ZNF438: variants seen among roughly 807,000 people sequenced by gnomAD.
The protein encoded by ZNF438 is zinc finger protein 438.
A neutral mutation model predicts 38.0 loss-of-function variants in ZNF438; 25 were observed. That is an observed-to-expected ratio of 0.66 (90% CI 0.48 to 0.92). ZNF438 has a LOEUF of 0.92. ZNF438 is among the 40% of genes least tolerant of loss of function. The pLI is 0.00. For synonymous variants in ZNF438, 372 were observed against 364.1 expected, an observed-to-expected ratio of 1.02 and a Z score of -0.25; for missense variants, 1,007 against 999.6, an observed-to-expected ratio of 1.01 and a Z score of -0.10.
intron 3 of ZNF438, among the ~76,000 whole-genome samples, chr10:30,890,839 C>T (rs1462633577): frequency 6.6e-6 from 1 of 152,182 alleles, no homozygotes; most frequent in Admixed American, 6.5e-5. Context: ...AATTTCACTT[C>T]TTGATTGTTC....
intron 2 of ZNF438, among the ~76,000 whole-genome samples, chr10:30,934,982 T>A (rs759772948): frequency 2.6e-5 from 4 of 152,222 alleles, no homozygotes; most frequent in Admixed American, 6.5e-5. Flanking sequence ...GGAAGTAAAA[T>A]ACCATAAAAT....
chr10:30,976,791 A>G (rs189301190), intron 1 of ZNF438, among the ~76,000 whole-genome samples: 4 of 152,150 alleles, frequency 2.6e-5, no homozygotes, highest in East Asian at 1.9e-4. Flanking sequence ...ATAATCCTCA[A>G]TTGAGATGCT....
intron 1 of ZNF438, among the ~76,000 whole-genome samples, chr10:30,966,722 T>C (rs1277164355): frequency 2.0e-5 from 3 of 151,990 alleles, no homozygotes; most frequent in Admixed American, 2.0e-4. Flanking sequence ...GGCTCTGTAT[T>C]AGGCACTGGG....
At chr10:30,852,974 T>C (rs955080305) in intron 4 of ZNF438, among the ~76,000 whole-genome samples, 1 of 152,230 alleles carries the variant, frequency 6.6e-6, no homozygotes, top group Admixed American at 6.5e-5. Context: ...TCATCTTTTT[T>C]TTTTTGGAAG....
intron 1 of ZNF438, among the ~76,000 whole-genome samples, chr10:30,968,163 A>G (rs376103735): frequency 1.8e-4 from 27 of 152,250 alleles, no homozygotes; most frequent in Admixed American, 1.3e-3. Flanking sequence ...AATTCCAAAG[A>G]CACTTGAAGG....
chr10:30,876,448 G>A (rs1243285371), intron 4 of ZNF438, among the ~76,000 whole-genome samples: 1 of 152,046 alleles, frequency 6.6e-6, no homozygotes, highest in Non-Finnish European at 1.5e-5. Flanking sequence ...AGGTTCTTCT[G>A]GAAGGTCCAG....
At chr10:30,887,636 T>A (rs2040132378) in intron 3 of ZNF438, among the ~76,000 whole-genome samples, 1 of 152,034 alleles carries the variant, frequency 6.6e-6, no homozygotes, top group African/African-American at 2.4e-5. Context: ...GATCTGCCCA[T>A]CTCGGCCTCC....
At chr10:30,995,837 A>C (rs748891787) in intron 1 of ZNF438, among the ~76,000 whole-genome samples, 2 of 152,194 alleles carry the variant, frequency 1.3e-5, no homozygotes, top group Non-Finnish European at 2.9e-5. Flanking sequence ...AAAAATAGAG[A>C]GGTCAATACA....
At chr10:30,875,317 T>C (rs1055706920) in intron 4 of ZNF438, 1 of 985,414 alleles carries the variant, frequency 1.0e-6, no homozygotes, top group African/African-American at 1.7e-5. Context: ...GCTTAGTTAC[T>C]CACATAGACT....
chr10:30,992,422 T>TC (rs2053597289), intron 1 of ZNF438, among the ~76,000 whole-genome samples: 1 of 151,126 alleles, frequency 6.6e-6, no homozygotes, highest in Non-Finnish European at 1.5e-5. Context: ...TCTTCTTTTT[T>TC]TTTTTTTTTT....
chr10:31,032,017 CACCCCGCGCAGGCGCA>C (rs2057329080), upstream of ZNF438: 5 of 152,150 alleles, frequency 3.3e-5, no homozygotes, highest in Non-Finnish European at 5.9e-5. Context: ...CCGTAGCAGA[CACCCCGCGCAGGCGCA>C]GACGGCCTCT....
chr10:30,897,855 C>T (rs1299301461), intron 3 of ZNF438, among the ~76,000 whole-genome samples: 1 of 152,174 alleles, frequency 6.6e-6, no homozygotes, highest in African/African-American at 2.4e-5. Flanking sequence ...CTTGAAAGAT[C>T]TAAACCGCTG....
At chr10:30,986,481 T>G (rs1330388645) in intron 1 of ZNF438, among the ~76,000 whole-genome samples, 1 of 152,244 alleles carries the variant, frequency 6.6e-6, no homozygotes, top group Non-Finnish European at 1.5e-5. Context: ...AGGAATGTGT[T>G]GAGCAATCCA....
intron 1 of ZNF438, among the ~76,000 whole-genome samples, chr10:30,957,198 A>C (rs142831434): frequency 2.0e-5 from 3 of 152,282 alleles, no homozygotes; most frequent in East Asian, 1.9e-4. Flanking sequence ...CTTTTGAGAA[A>C]TATCTATTCA....
intron 1 of ZNF438, among the ~76,000 whole-genome samples, chr10:30,975,367 C>T (rs2051222782): frequency 2.0e-5 from 3 of 152,162 alleles, no homozygotes; most frequent in Admixed American, 1.3e-4. Flanking sequence ...CTTAGAGACT[C>T]GAAAGCAATA....
intron 1 of ZNF438, among the ~76,000 whole-genome samples, chr10:31,013,209 C>T (rs2055879524): frequency 6.6e-6 from 1 of 152,118 alleles, no homozygotes; most frequent in Admixed American, 6.5e-5. Context: ...GTCCCAGCTA[C>T]TCGGGAGGCT....
chr10:30,961,207 C>A (rs1166040620), intron 1 of ZNF438, among the ~76,000 whole-genome samples: 4 of 137,382 alleles, frequency 2.9e-5, no homozygotes, highest in Non-Finnish European at 4.9e-5. Context: ...CTGCACAATG[C>A]GCACATGTAC....
At chr10:31,010,418 G>C (rs1009908906) in intron 1 of ZNF438, among the ~76,000 whole-genome samples, 1 of 152,102 alleles carries the variant, frequency 6.6e-6, no homozygotes, top group African/African-American at 2.4e-5. Context: ...CAGAGCTGAG[G>C]GACCAAATAA....
intron 2 of ZNF438, among the ~76,000 whole-genome samples, chr10:30,937,380 G>A (rs1422666724): frequency 6.6e-6 from 1 of 152,186 alleles, no homozygotes; most frequent in Non-Finnish European, 1.5e-5. Context: ...GGAACTGTGT[G>A]CTAATAACTA....
Sources: allele counts gnomAD v4.1 joint callset (sites outside exome capture counted in the v4.1 genomes callset), GRCh38; gene constraint gnomAD v4.1.1; transcripts MANE v1.5; gene names NCBI Gene and HGNC (gene_info 2026-07-23, HGNC 2026-07-21).